Variants in SGF29 observed in about 807,000 individuals in gnomAD.
SGF29 encodes the protein SAGA-associated factor 29.
A neutral mutation model predicts 38.1 loss-of-function variants in SGF29; 15 were observed. The observed-to-expected ratio is 0.39, with a 90% confidence interval of 0.26 to 0.61. The LOEUF is 0.61. SGF29 is among the 20% of genes least tolerant of loss of function. SGF29 has a pLI of 0.49. For synonymous variants in SGF29, 151 were observed against 160.8 expected, an observed-to-expected ratio of 0.94 and a Z score of 0.46; for missense variants, 184 against 394.6, an observed-to-expected ratio of 0.47 and a Z score of 4.52.
At position 28,564,697 on chromosome 16, in the gene SGF29, G is replaced by A. The variant is rs12932825; in HGVS notation, c.-16+10600G>A. Among the ~76,000 whole-genome samples, 16 of 75,080 alleles carry A rather than the reference G, an allele frequency of 2.1e-4. 1 individual carries two copies. The highest frequency in any genetic ancestry group is 6.0e-4 in the African/African-American group (10 of 16,544). 49.3% of individuals were successfully genotyped at this position (75,080 alleles called of 152,430 possible). A position where few individuals can be genotyped will look rare whatever the true frequency, so the allele number is the denominator to read the frequency against. On this transcript the variant is annotated intron_variant, in intron 1 of 9. Transcript: ENST00000317058. ...TATGTATATATATGTGTATATATAT[G>A]TATATATATACATATATATGTATAT...
intron 1 of SGF29, among the ~76,000 whole-genome samples, chr16:28,557,974 T>G (rs1005668655): frequency 6.9e-6 from 1 of 143,932 alleles, no homozygotes; most frequent in African/African-American, 2.6e-5. Flanking sequence ...TGTTTTTTTT[T>G]TTTTTTTTTT....
chr16:28,562,021 T>C (rs1263748219), intron 1 of SGF29, among the ~76,000 whole-genome samples: 4 of 152,236 alleles, frequency 2.6e-5, no homozygotes, highest in African/African-American at 9.6e-5. Context: ...GAGCTTGTTC[T>C]CTCAGACAAG....
intron 1 of SGF29, among the ~76,000 whole-genome samples, chr16:28,564,594 C>CGTATAT (rs1724554988): frequency 8.3e-6 from 1 of 120,726 alleles, no homozygotes; most frequent in Non-Finnish European, 1.7e-5. Flanking sequence ...TATATATACA[C>CGTATAT]ACATATATGT....
chr16:28,572,102 G>A (rs1474839353), intron 1 of SGF29, among the ~76,000 whole-genome samples: 2 of 149,648 alleles, frequency 1.3e-5, no homozygotes, highest in East Asian at 2.0e-4. Context: ...TCAGCCTCCC[G>A]AGTAGCTGGG....
At position 28,589,436 on chromosome 16, in the gene SGF29, C is replaced by T. The variant is rs57064676; in HGVS notation, c.289+272C>T. On this transcript the variant is annotated intron_variant, in intron 5 of 9. Transcript: ENST00000317058. ...CCTTCTGGGGCCTGGGCCAGTCGCC[C>T]CCTCCTCTGCCATGGCCCATGCCCA... The T allele has an allele frequency of 2.9e-3, 1,296 of 443,738 alleles. 18 individuals are homozygous for T. The highest frequency in any genetic ancestry group is 0.023 in the African/African-American group (1,155 of 50,440). 27.5% of individuals were successfully genotyped at this position (443,738 alleles called of 1,614,324 possible). A position where few individuals can be genotyped will look rare whatever the true frequency, so the allele number is the denominator to read the frequency against.
At chr16:28,574,575 C>T (rs1312018383) in intron 1 of SGF29, among the ~76,000 whole-genome samples, 1 of 152,150 alleles carries the variant, frequency 6.6e-6, no homozygotes. Flanking sequence ...GGGGGAGAGC[C>T]CTCTCCTGCC....
intron 1 of SGF29, among the ~76,000 whole-genome samples, chr16:28,557,046 G>T (rs147869882): frequency 0.012 from 1,877 of 152,258 alleles, 19 homozygotes; most frequent in Admixed American, 0.023. Context: ...AGCTCTTACT[G>T]TTTTAAGCCC....
At chr16:28,580,204 A>G (rs1041221885) in intron 1 of SGF29, among the ~76,000 whole-genome samples, 2 of 152,128 alleles carry the variant, frequency 1.3e-5, no homozygotes, top group Non-Finnish European at 2.9e-5. Context: ...TGACTCCTTG[A>G]CTTCGTCGAA....
chr16:28,566,870 A>T (rs981734457), intron 1 of SGF29, among the ~76,000 whole-genome samples: 1 of 152,054 alleles, frequency 6.6e-6, no homozygotes, highest in African/African-American at 2.4e-5. Context: ...AGGTTTCACC[A>T]TGTTGGCCAG....
chr16:28,564,768 TATATGTATATATATATATAC>T (rs1596598155), intron 1 of SGF29, among the ~76,000 whole-genome samples: 12 of 60,028 alleles, frequency 2.0e-4, no homozygotes, highest in African/African-American at 5.4e-4. Flanking sequence ...TATATGTATA[TATATGTATATATATATATAC>T]ACACACACAC....
intron 1 of SGF29, among the ~76,000 whole-genome samples, chr16:28,574,819 C>T (rs2046884139): frequency 6.6e-6 from 1 of 152,190 alleles, no homozygotes; most frequent in Admixed American, 6.5e-5. Context: ...CAACAGCCTG[C>T]ATGCTGATCA....
At chr16:28,587,084 G>A (rs915029203) in intron 4 of SGF29, among the ~76,000 whole-genome samples, 1 of 152,132 alleles carries the variant, frequency 6.6e-6, no homozygotes, top group South Asian at 2.1e-4. Context: ...CAGCTCAAGC[G>A]ATCCACCCAC....
At chr16:28,588,681 C>CA (rs34337482) in intron 4 of SGF29, 20,074 of 410,086 alleles carry the variant, frequency 0.049, 820 homozygotes, top group East Asian at 0.2. Context: ...TCTCTTGCCT[C>CA]AGCCTCCCAA....
chr16:28,573,185 A>G (rs185451164), intron 1 of SGF29, among the ~76,000 whole-genome samples: 29 of 151,944 alleles, frequency 1.9e-4, no homozygotes, highest in African/African-American at 6.8e-4. Context: ...AGATTGGGAG[A>G]TGGCACTACA....
chr16:28,564,552 TATATATATATATACGTATATATATACAC>T (rs2046812061), intron 1 of SGF29, among the ~76,000 whole-genome samples: 2 of 33,970 alleles, frequency 5.9e-5, no homozygotes, highest in Non-Finnish European at 1.4e-4. Flanking sequence ...TATATATACG[TATATATATATATACGTATATATATACAC>T]GTATATATAT....
At chr16:28,558,198 C>T (rs538580778) in intron 1 of SGF29, among the ~76,000 whole-genome samples, 255 of 151,190 alleles carry the variant, frequency 1.7e-3, no homozygotes, top group Non-Finnish European at 2.9e-3. Context: ...CTCCACCTCC[C>T]GGGTTCAAGT....
chr16:28,556,778 G>A (rs1262310816), intron 1 of SGF29, among the ~76,000 whole-genome samples: 1 of 152,108 alleles, frequency 6.6e-6, no homozygotes, highest in Non-Finnish European at 1.5e-5. Context: ...TGAGTAGCTA[G>A]GACTACACAT....
At chr16:28,580,151 TC>T (rs1163977636) in intron 1 of SGF29, among the ~76,000 whole-genome samples, 1 of 152,162 alleles carries the variant, frequency 6.6e-6, no homozygotes, top group East Asian at 1.9e-4. Flanking sequence ...TTAAGGCACT[TC>T]ATATTAATTT....
At chr16:28,591,442 C>T in intron 9 of SGF29, 148 bp from the exon 10 acceptor site, 2 of 689,264 alleles carry the variant, frequency 2.9e-6, no homozygotes, top group South Asian at 1.6e-5. Flanking sequence ...AGGGACTGGG[C>T]CAAGACTTCT....
Sources: gnomAD v4.1 joint callset for allele counts (sites outside exome capture counted in the v4.1 genomes callset) on GRCh38, gnomAD v4.1.1 for gene constraint, MANE v1.5 for transcripts, NCBI Gene and HGNC (gene_info 2026-07-23, HGNC 2026-07-21) for gene names.